The following IRX6 variants were observed in gnomAD, a reference collection of about 807,000 sequenced individuals.
The protein encoded by IRX6 is iroquois-class homeodomain protein IRX-6.
Under a neutral mutation model 47.7 loss-of-function variants are expected in IRX6, and 46 were observed. That is an observed-to-expected ratio of 0.96 (90% CI 0.76 to 1.23). The LOEUF (loss-of-function observed/expected upper bound fraction) is 1.23, where lower values mean the gene tolerates loss of function less well. IRX6 is among the 50% of genes most tolerant of loss of function. The probability of loss-of-function intolerance (pLI) is 0.00; values close to 1 mark genes in which losing one functional copy is unlikely to be tolerated. For missense variants in IRX6, 722 were observed against 588.0 expected (o/e 1.23, Z -2.36); for synonymous variants, 265 against 246.2 (o/e 1.08, Z -0.72).
rs755994863 is a variant in IRX6 at position 55,330,270 on chromosome 16, G to A, written c.1334-28G>A. On this transcript the variant is annotated intron_variant, in intron 5 of 5. Coordinates refer to ENST00000290552, the MANE Select transcript of IRX6 (RefSeq NM_024335.3). ...TAAGAATTGCCACTAAACAGCCTTT[G>A]GGTTTTAATCAACCTTTCCTCTCTC... The A allele has an allele frequency of 3.1e-6, 5 of 1,612,384 alleles. No homozygotes were observed. In the South Asian group the frequency reaches 4.4e-5, roughly 14 times the overall value.
chr16:55,328,724 G>T lies in IRX6; in HGVS notation c.746G>T (p.Arg249Leu). The T allele has an allele frequency of 6.2e-7, 1 of 1,612,738 alleles. No homozygotes were observed. The highest frequency in any genetic ancestry group is 1.1e-5 in the South Asian group (1 of 91,056). ...GAAGTTACTGCTAGCCAGGAGGCCC[G>T]GGGGCTCCGGCTGAGTGACCTGGAA... ...TKEVTASQEA[R>L]GLRLSDLEDL... The change falls in exon 5 of 6, where the codon CGG becomes CTG. Residue 249 changes from arginine to leucine, a missense_variant. Transcript: ENST00000290552.
At chr16:55,325,530 G>GGA (rs750802559) in intron 1 of IRX6, among the ~76,000 whole-genome samples, 368 of 9,076 alleles carry the variant, frequency 0.041, 51 homozygotes, top group Non-Finnish European at 0.048. Context: ...AAGGAAGGAA[G>GGA]GAGAGAGAGA....
At position 55,324,832 on chromosome 16, in the gene IRX6, C is replaced by G; in HGVS notation, c.-260C>G. The G allele has an allele frequency of 1.8e-6, 1 of 555,382 alleles. No homozygotes were observed. The highest frequency in any genetic ancestry group is 2.1e-5 in the South Asian group (1 of 46,560). 34.4% of individuals were successfully genotyped at this position (555,382 alleles called of 1,614,324 possible). A position where few individuals can be genotyped will look rare whatever the true frequency, so the allele number is the denominator to read the frequency against. On this transcript the variant is annotated 5_prime_UTR_variant, in exon 1 of 6. In the 5' UTR this introduces an upstream ATG that the reference lacks. Transcript: ENST00000290552. The surrounding 1 kb of genome is among the most constrained non-coding windows in gnomAD (Gnocchi z 4.4). ...ACCACGCGCCTTTGGGAACCCGCAT[C>G]TTCTTCCTTCCCCTGCCCATCCATG...
Position 55,327,854 on chromosome 16 carries a change from G to C in IRX6, c.682G>C (p.Glu228Gln), listed in dbSNP as rs1246272289. ...GGEERKAEGG[E>Q]EDSLGCLTAD... ...GGAGGAGAGGAAGGCAGAGGGAGGA[G>C]AGGAGGACTCACTAGGCTGCCTAAC... The change falls in exon 4 of 6, where the codon GAG (glutamate) becomes CAG (glutamine). Residue 228 changes from glutamate (E) to glutamine (Q), a missense_variant. Coordinates refer to ENST00000290552, the MANE Select transcript of IRX6 (RefSeq NM_024335.3). 6.2e-7 allele frequency: 1 copy of C among 1,612,132 alleles called. No individual in the cohort carries two copies. The highest frequency in any genetic ancestry group is 8.5e-7 in the Non-Finnish European group (1 of 1,179,188).
At chr16:55,326,010 G>A (rs1960514653) in intron 1 of IRX6, 1 of 312,846 alleles carries the variant, frequency 3.2e-6, no homozygotes. Context: ...CTGGGAGGAG[G>A]GTAGGGAAGG....
Position 55,330,592 on chromosome 16 carries a change from C to T in IRX6, c.*287C>T. 9.4e-6 allele frequency: 5 copies of T among 530,800 alleles called. No individual in the cohort carries two copies. The South Asian group carries it at 1.1e-4, about 12-fold the overall frequency. The allele number at this position is 530,800 out of a possible 1,614,324, so 32.9% of individuals were successfully genotyped here. A position where few individuals can be genotyped will look rare whatever the true frequency, so the allele number is the denominator to read the frequency against. ...CACCGACTCTACCAAGTCTCTCTTC[C>T]TCCTGTGGATTCAGCAAGGCTTCCT... On this transcript the variant is annotated 3_prime_UTR_variant, in exon 6 of 6. Coordinates refer to ENST00000290552, the MANE Select transcript of IRX6 (RefSeq NM_024335.3).
chr16:55,330,310 A>G lies in IRX6; in HGVS notation c.*5A>G, dbSNP rs778771066. On this transcript the variant is annotated 3_prime_UTR_variant, in exon 6 of 6. Transcript: ENST00000290552. ...TTTCCTCTCTCAGCAGGTTAGCGCA[A>G]TGGCTGCGATTTGCGAAAGAATCTT... The G allele has an allele frequency of 5.0e-6, 8 of 1,613,754 alleles. No individual in the cohort carries two copies. Among genetic ancestry groups the G allele is most frequent in the Non-Finnish European group, 6.8e-6 (8 of 1,179,758 alleles).
At chr16:55,326,217 A>T in intron 1 of IRX6, 119 bp from the exon 2 acceptor site, 1 of 894,268 alleles carries the variant, frequency 1.1e-6, no homozygotes, top group Non-Finnish European at 1.7e-6. Context: ...GGAATGAATG[A>T]AGGAGCAATC....
Position 55,324,917 on chromosome 16 carries a change from G to C in IRX6, c.-175G>C, listed in dbSNP as rs1265525878. The C allele has an allele frequency of 1.5e-6, 1 of 645,226 alleles. No individual in the cohort carries two copies. Among genetic ancestry groups the C allele is most frequent in the South Asian group, 1.9e-5 (1 of 52,900 alleles). 40.0% of individuals were successfully genotyped at this position (645,226 alleles called of 1,614,324 possible). On this transcript the variant is annotated 5_prime_UTR_variant, in exon 1 of 6. Transcript: ENST00000290552. The surrounding 1 kb of genome is among the most constrained non-coding windows in gnomAD (Gnocchi z 4.4). Reference sequence around the variant, plus strand: ...GGGCGCCTTCCGGAGCGCAGGGCTCGGCAGCCGGGCTGCCCTCGGCTCTGC... The same window carrying C: ...GGGCGCCTTCCGGAGCGCAGGGCTCCGCAGCCGGGCTGCCCTCGGCTCTGC...
intron 5 of IRX6, among the ~76,000 whole-genome samples, chr16:55,329,611 C>T (rs1960607434): frequency 6.6e-6 from 1 of 152,174 alleles, no homozygotes; most frequent in African/African-American, 2.4e-5. Flanking sequence ...CAGTGTACTG[C>T]CAAATCCACC....
chr16:55,326,277 G>C (rs904889177), intron 1 of IRX6, 59 bp from the exon 2 acceptor site: 57 of 1,400,008 alleles, frequency 4.1e-5, no homozygotes, highest in Non-Finnish European at 5.3e-5. Context: ...CAGCGGGAGC[G>C]GGGGCGGGGG....
chr16:55,327,637 G>A lies in IRX6; in HGVS notation c.465G>A (p.Arg155=). The A allele has an allele frequency of 6.2e-7, 1 of 1,611,640 alleles. No individual in the cohort carries two copies. The highest frequency in any genetic ancestry group is 2.2e-5 in the East Asian group (1 of 44,864). The change falls in exon 4 of 6, where the codon CGG becomes CGA. Residue 155 remains arginine (R), a synonymous_variant. Transcript: ENST00000290552. ...SGAGRRKNAT[R]ETTSTLKAWL... is the part of the protein sequence containing the mutation. ...CCGGTCGCCGAAAGAACGCGACCCG[G>A]GAGACCACCAGTACACTCAAGGCCT...
At position 55,330,442 on chromosome 16, in the gene IRX6, C is replaced by T. The variant is rs542871498; in HGVS notation, c.*137C>T. 98 of 844,300 alleles carry T rather than the reference C, an allele frequency of 1.2e-4. No individual in the cohort carries two copies. Among genetic ancestry groups the T allele is most frequent in the African/African-American group, 5.3e-4 (32 of 59,980 alleles). The allele number at this position is 844,300 out of a possible 1,614,324, so 52.3% of individuals were successfully genotyped here. A position where few individuals can be genotyped will look rare whatever the true frequency, so the allele number is the denominator to read the frequency against. ...CCTAAGAGACAGACACACAGAAACC[C>T]TCCTAGCAGCTGTCCTTGCACGCAG... On this transcript the variant is annotated 3_prime_UTR_variant, in exon 6 of 6. Transcript: ENST00000290552.
Position 55,326,521 on chromosome 16 carries a change from C to T in IRX6, c.231C>T (p.Ala77=), listed in dbSNP as rs1469421948. ...ALGIYGAPYA[A]AAAAQSYPGY... Reference sequence around the variant, plus strand: ...GCATCTATGGAGCACCCTATGCGGCCGCTGCAGCTGCCCAGAGCTACCCTG... The same window carrying T: ...GCATCTATGGAGCACCCTATGCGGCTGCTGCAGCTGCCCAGAGCTACCCTG... Residue 77 remains alanine, a synonymous_variant, in exon 2 of 6, where the codon GCC becomes GCT. Coordinates refer to ENST00000290552, the MANE Select transcript of IRX6 (RefSeq NM_024335.3). The T allele has an allele frequency of 5.0e-6, 8 of 1,603,634 alleles. No homozygotes were observed. Among genetic ancestry groups the T allele is most frequent in the Middle Eastern group, 1.7e-4 (1 of 6,052 alleles).
chr16:55,328,728 G>C lies in IRX6; in HGVS notation c.750G>C (p.Gly250=). 3.7e-6 allele frequency: 6 copies of C among 1,613,258 alleles called. No individual in the cohort carries two copies. Among genetic ancestry groups the C allele is most frequent in the Non-Finnish European group, 5.1e-6 (6 of 1,180,010 alleles). ...KEVTASQEAR[G]LRLSDLEDLE... ...TTACTGCTAGCCAGGAGGCCCGGGG[G>C]CTCCGGCTGAGTGACCTGGAAGACC... Residue 250 remains glycine, a synonymous_variant, in exon 5 of 6, where the codon GGG becomes GGC. Coordinates refer to ENST00000290552, the MANE Select transcript of IRX6 (RefSeq NM_024335.3).
chr16:55,327,317 G>A lies in IRX6; in HGVS notation c.325G>A (p.Glu109Lys). The A allele has an allele frequency of 1.2e-6, 2 of 1,613,622 alleles. No individual in the cohort carries two copies. The highest frequency in any genetic ancestry group is 1.7e-6 in the Non-Finnish European group (2 of 1,179,596). ...CTAGAATCCACAGTATGAATTTAAG[G>A]AGGCTGCAGGGAGTTTTACATCCAG... ...GALNPQYEFKEAAGSFTSSLA... is the reference protein window; with the variant it reads ...GALNPQYEFKKAAGSFTSSLA... Residue 109 changes from glutamate (E) to lysine (K), a missense_variant, in exon 3 of 6, where the codon GAG becomes AAG. Glu to Lys is a moderately conservative substitution (Grantham distance 56). Coordinates refer to ENST00000290552, the MANE Select transcript of IRX6 (RefSeq NM_024335.3).
chr16:55,330,338 A>C lies in IRX6; in HGVS notation c.*33A>C, dbSNP rs1255974374. 1.2e-6 allele frequency: 2 copies of C among 1,610,698 alleles called. No individual in the cohort carries two copies. Among genetic ancestry groups the C allele is most frequent in the Admixed American group, 1.7e-5 (1 of 59,990 alleles). ...GCTGCGATTTGCGAAAGAATCTTGG[A>C]AATGGGCCCCACGTTTCGAATTCAT... is the stretch of plus-strand genomic sequence containing the variant. On this transcript the variant is annotated 3_prime_UTR_variant, in exon 6 of 6. Transcript: ENST00000290552.
rs1447519232 is a variant in IRX6, at chr16:55,328,834, C to G, written c.856C>G (p.Arg286Gly). Residue 286 changes from arginine to glycine, a missense_variant, in exon 5 of 6, where the codon CGA becomes GGA. Physicochemically the swap from Arg to Gly is moderately radical, Grantham distance 125. Transcript: ENST00000290552. ...ATAGDRLTEF[R>G]KGAQSLPGPC... ...AGCTGGGGACAGGCTGACGGAGTTCCGAAAGGGCGCGCAGTCACTGCCTGG... is the reference window on the plus strand; with the variant it reads ...AGCTGGGGACAGGCTGACGGAGTTCGGAAAGGGCGCGCAGTCACTGCCTGG... The G allele has an allele frequency of 1.2e-6, 2 of 1,612,756 alleles. No individual in the cohort carries two copies. Among genetic ancestry groups the G allele is most frequent in the African/African-American group, 2.7e-5 (2 of 74,926 alleles).
rs1960627124 is a variant in IRX6, at chr16:55,330,714, CT to C, written c.*410del. 3.6e-6 allele frequency: 1 copy of C among 276,030 alleles called. No homozygotes were observed. Among genetic ancestry groups the C allele is most frequent in the African/African-American group, 2.2e-5 (1 of 46,448 alleles). 17.1% of individuals were successfully genotyped at this position (276,030 alleles called of 1,614,324 possible). ...TAAGGACCCTGTGCGTCTTCTCCCC[CT>C]CCTAAGCCCTTGTGTCCTTAAAAAT... On this transcript the variant is annotated 3_prime_UTR_variant, in exon 6 of 6. Coordinates refer to ENST00000290552, the MANE Select transcript of IRX6 (RefSeq NM_024335.3).
Sources: allele counts gnomAD v4.1 joint callset (sites outside exome capture counted in the v4.1 genomes callset), GRCh38; gene constraint gnomAD v4.1.1; non-coding constraint Gnocchi (gnomAD v3.1); transcripts MANE v1.5; gene names NCBI Gene and HGNC (gene_info 2026-07-23, HGNC 2026-07-21).